The following PPM1B variants were observed in gnomAD, a reference collection of about 807,000 sequenced individuals.
PPM1B encodes protein phosphatase, Mg2+/Mn2+ dependent 1B.
PPM1B carries 22 observed loss-of-function variants against 43.0 expected under a neutral mutation model. That is an observed-to-expected ratio of 0.51 (90% CI 0.37 to 0.73). The LOEUF (loss-of-function observed/expected upper bound fraction) is 0.73, where lower values mean the gene tolerates loss of function less well. Ranked by LOEUF, PPM1B falls within the 30% of genes least tolerant of loss-of-function variation. PPM1B has a pLI of 0.00. For synonymous variants in PPM1B, 217 were observed against 197.9 expected (o/e 1.10, Z -0.81); for missense variants, 632 against 584.2 (o/e 1.08, Z -0.84).
At chr2:44,221,657 G>T (rs940276038) in intron 5 of PPM1B, among the ~76,000 whole-genome samples, 13 of 151,900 alleles carry the variant, frequency 8.6e-5, no homozygotes, top group African/African-American at 3.1e-4. Flanking sequence ...TAAATCAGAG[G>T]GTTTCTTTAG....
At chr2:44,228,772 T>C (rs1338063287) in intron 5 of PPM1B, among the ~76,000 whole-genome samples, 1 of 151,942 alleles carries the variant, frequency 6.6e-6, no homozygotes, top group Admixed American at 6.6e-5. Context: ...CCATAGTTGC[T>C]TTATTTTTCT....
intron 1 of PPM1B, among the ~76,000 whole-genome samples, chr2:44,186,524 G>A (rs1326687920): frequency 2.6e-5 from 4 of 151,778 alleles, no homozygotes; most frequent in African/African-American, 4.8e-5. Flanking sequence ...GCACACCACC[G>A]TGCCCAGTTA....
At chr2:44,227,048 A>G (rs1670250924) in intron 5 of PPM1B, among the ~76,000 whole-genome samples, 1 of 151,796 alleles carries the variant, frequency 6.6e-6, no homozygotes, top group African/African-American at 2.4e-5. Flanking sequence ...AACATGGCTT[A>G]CTGTAATCTC....
chr2:44,183,447 G>T (rs1667976532), intron 1 of PPM1B, among the ~76,000 whole-genome samples: 1 of 152,222 alleles, frequency 6.6e-6, no homozygotes, highest in Non-Finnish European at 1.5e-5. Flanking sequence ...TAACTGGATG[G>T]AGAGTCAGTC....
At chr2:44,238,667 A>T (rs1203717637), downstream of PPM1B, among the ~76,000 whole-genome samples, 7 of 151,824 alleles carry the variant, frequency 4.6e-5, no homozygotes, top group Non-Finnish European at 8.8e-5. Flanking sequence ...GTGCCACTGC[A>T]CTCCAGCCTG....
chr2:44,204,508 T>TG (rs1277836388), intron 2 of PPM1B, among the ~76,000 whole-genome samples: 3 of 152,130 alleles, frequency 2.0e-5, no homozygotes, highest in African/African-American at 7.2e-5. Flanking sequence ...CATTAAATCT[T>TG]GGGAGGTTAT....
intron 3 of PPM1B, among the ~76,000 whole-genome samples, chr2:44,216,961 C>T (rs1669749195): frequency 6.6e-6 from 1 of 151,104 alleles, no homozygotes; most frequent in South Asian, 2.1e-4. Flanking sequence ...GAAAAGTGTT[C>T]CCAAACCAAC....
At chr2:44,213,264 T>C (rs898214626) in intron 3 of PPM1B, among the ~76,000 whole-genome samples, 2 of 151,874 alleles carry the variant, frequency 1.3e-5, no homozygotes, top group African/African-American at 4.8e-5. Context: ...TGGGAGGACT[T>C]TGATATCATA....
intron 2 of PPM1B, 63 bp from the exon 3 acceptor site, chr2:44,209,147 T>A: frequency 1.5e-6 from 2 of 1,349,198 alleles, no homozygotes; most frequent in Non-Finnish European, 2.0e-6. Flanking sequence ...TAAAGTATTT[T>A]GAAGTAAATA....
intron 1 of PPM1B, among the ~76,000 whole-genome samples, chr2:44,199,430 A>G (rs9989865): frequency 0.96 from 145,467 of 152,182 alleles, 69,596 homozygotes; most frequent in East Asian, 1. Context: ...GGCAGAGGTT[A>G]CAGTGAGATG....
At chr2:44,197,231 C>CA (rs771562710) in intron 1 of PPM1B, among the ~76,000 whole-genome samples, 5 of 152,174 alleles carry the variant, frequency 3.3e-5, no homozygotes, top group Admixed American at 2.0e-4. Flanking sequence ...GGAGATCTCC[C>CA]ACCCCAGCCT....
In PPM1B at chr2:44,230,541, T is replaced by G; in HGVS notation, c.1263T>G (p.Ala421=). The G allele has an allele frequency of 6.2e-7, 1 of 1,614,124 alleles. No individual in the cohort carries two copies. The highest frequency in any genetic ancestry group is 1.1e-5 in the South Asian group (1 of 91,086). The change falls in exon 6 of 6, where the codon GCT becomes GCG. Residue 421 remains alanine, a synonymous_variant. Transcript: ENST00000282412. The stretch of plus-strand genomic sequence containing the variant: ...AGATGCTGACTAGTTACAGGCTAGC[T>G]AAAGTAGAGGGAGAAGAAAGCCCTG... ...LEEMLTSYRL[A]KVEGEESPAE... is the part of the protein sequence containing the mutation.
chr2:44,170,529 A>G (rs534899049), intron 1 of PPM1B, among the ~76,000 whole-genome samples: 1 of 152,350 alleles, frequency 6.6e-6, no homozygotes, highest in East Asian at 1.9e-4. Context: ...GAGCTACTGC[A>G]TGGATGAAGA....
intron 5 of PPM1B, among the ~76,000 whole-genome samples, chr2:44,229,075 G>A (rs1002654429): frequency 5.9e-5 from 9 of 151,546 alleles, no homozygotes; most frequent in South Asian, 2.1e-4. Flanking sequence ...CCAGCTACTC[G>A]GGAGGCTGAG....
At chr2:44,232,570 C>A, downstream of PPM1B, 1 of 1,386,054 alleles carries the variant, frequency 7.2e-7, no homozygotes, top group South Asian at 1.7e-5. Context: ...CAACCTCAGG[C>A]ATACTCGTTA....
chr2:44,233,389 G>A (rs746367721), downstream of PPM1B: 38 of 983,714 alleles, frequency 3.9e-5, no homozygotes, highest in Non-Finnish European at 4.6e-5. Context: ...TAAGGTACTT[G>A]AAGATTTATT....
intron 3 of PPM1B, among the ~76,000 whole-genome samples, chr2:44,213,504 G>T (rs1669579626): frequency 6.6e-6 from 1 of 151,944 alleles, no homozygotes; most frequent in Admixed American, 6.6e-5. Flanking sequence ...TTTGAAGTGT[G>T]AAGATGTGTG....
At chr2:44,244,548 A>C, downstream of PPM1B, 1 of 252,958 alleles carries the variant, frequency 4.0e-6, no homozygotes, top group Non-Finnish European at 6.2e-6. Context: ...TTATGGTTAA[A>C]GGCAGGCTTT....
intron 3 of PPM1B, among the ~76,000 whole-genome samples, chr2:44,216,468 C>G (rs113640125): frequency 6.6e-6 from 1 of 152,148 alleles, no homozygotes; most frequent in African/African-American, 2.4e-5. Context: ...TTTCATGAAG[C>G]TTGCAGTCTA....
Sources: gnomAD v4.1 joint callset for allele counts (sites outside exome capture counted in the v4.1 genomes callset) on GRCh38, gnomAD v4.1.1 for gene constraint, MANE v1.5 for transcripts, NCBI Gene and HGNC (gene_info 2026-07-23, HGNC 2026-07-21) for gene names.